The following BMP4 variants were observed in gnomAD, a reference collection of about 807,000 sequenced individuals.
BMP4 encodes the protein bone morphogenetic protein 4, also known as bone morphogenetic protein 2B.
In BMP4, 3 loss-of-function variants were observed where a neutral mutation model predicts 29.6. The observed-to-expected ratio is 0.10, with a 90% CI of 0.05 to 0.26. The LOEUF (loss-of-function observed/expected upper bound fraction) is 0.26, where lower values mean the gene tolerates loss of function less well. Among genes scored for constraint, BMP4 ranks in the 10% least tolerant of loss-of-function variants. The pLI is 1.00. For synonymous variants in BMP4, 197 were observed against 213.2 expected (o/e 0.92, Z 0.66); for missense variants, 455 against 550.2 (o/e 0.83, Z 1.73).
rs1895666363 is a variant in BMP4, at chr14:53,955,208, G to C, written c.-133+1342C>G. Among the ~76,000 whole-genome samples, 1 of 152,218 alleles carries C rather than the reference G, an allele frequency of 6.6e-6. No homozygotes were observed. Among genetic ancestry groups the C allele is most frequent in the South Asian group, 2.1e-4 (1 of 4,836 alleles). On this transcript the variant is annotated intron_variant, in intron 1 of 3. Coordinates refer to ENST00000245451, the MANE Select transcript of BMP4 (RefSeq NM_001202.6). This position sits in a 1 kb window ranked among gnomAD's most constrained non-coding sequence, Gnocchi z 4.0. ...CCCTTTAAAAAGCCCGGCGAGGAGAGGTCCAGAAGTAGAGAAAGCAGACGG... is the reference window on the plus strand; with the variant it reads ...CCCTTTAAAAAGCCCGGCGAGGAGACGTCCAGAAGTAGAGAAAGCAGACGG...
rs558175890 is a variant in BMP4 at position 53,949,780 on chromosome 14, C to A, written c.*252G>T. ...CTCATTTTATTTTTTTCTTTTAATA[C>A]GTAGTTATAAATATATTTTGTCAAA... On this transcript the variant is annotated 3_prime_UTR_variant, in exon 4 of 4. Transcript: ENST00000245451. 5.2e-6 allele frequency: 2 copies of A among 387,918 alleles called. No individual in the cohort carries two copies. Among genetic ancestry groups the A allele is most frequent in the Non-Finnish European group, 9.1e-6 (2 of 219,268 alleles). 24.0% of individuals were successfully genotyped at this position (387,918 alleles called of 1,614,324 possible). A position where few individuals can be genotyped will look rare whatever the true frequency, so the allele number is the denominator to read the frequency against.
In BMP4 at chr14:53,951,952, A is replaced by G; in HGVS notation, c.271T>C (p.Ser91Pro). The change falls in exon 3 of 4, where the codon TCT (serine) becomes CCT (proline). Residue 91 changes from serine to proline, a missense_variant. This residue lies in a region of BMP4 where 249 missense variants were observed against 284.6 expected (regional missense o/e 0.87). Coordinates refer to ENST00000245451, the MANE Select transcript of BMP4 (RefSeq NM_001202.6). Reference protein sequence around the residue: ...DYMRDLYRLQSGEEEEEQIHS... With the variant: ...DYMRDLYRLQPGEEEEEQIHS... ...ATCTGCTCTTCCTCCTCCTCCCCAG[A>G]CTGAAGCCGGTAAAGATCCCGCATG... The G allele has an allele frequency of 6.2e-7, 1 of 1,609,940 alleles. No homozygotes were observed. The highest frequency in any genetic ancestry group is 8.5e-7 in the Non-Finnish European group (1 of 1,179,980).
Position 53,949,922 on chromosome 14 carries a change from G to T in BMP4, c.*110C>A. On this transcript the variant is annotated 3_prime_UTR_variant, in exon 4 of 4. Coordinates refer to ENST00000245451, the MANE Select transcript of BMP4 (RefSeq NM_001202.6). ...TTTTTAAATAAAAGTCCAGCTATAA[G>T]GAAGCAGTCTGTGTAGTGTGTGGGT... 5.6e-6 allele frequency: 6 copies of T among 1,069,406 alleles called. No individual in the cohort carries two copies. The highest frequency in any genetic ancestry group is 6.6e-6 in the Non-Finnish European group (5 of 754,628). 66.2% of individuals were successfully genotyped at this position (1,069,406 alleles called of 1,614,324 possible).
chr14:53,953,601 G>A (rs1895569614), intron 1 of BMP4: 1 of 351,200 alleles, frequency 2.8e-6, no homozygotes, highest in Admixed American at 4.8e-5. Context: ...CCCGCCGCCC[G>A]AGCCTCAGCG....
At position 53,952,139 on chromosome 14, in the gene BMP4, A is replaced by C; in HGVS notation, c.84T>G (p.Pro28=). The change falls in exon 3 of 4, where the codon CCT becomes CCG. Residue 28 remains proline, a synonymous_variant. Coordinates refer to ENST00000245451, the MANE Select transcript of BMP4 (RefSeq NM_001202.6). ...LGGASHASLI[P]ETGKKKVAEI... The stretch of plus-strand genomic sequence containing the variant: ...CGGCGACTTTTTTCTTCCCCGTCTC[A>C]GGTATCAAACTAGCATGGCTCGCGC... The C allele has an allele frequency of 1.2e-6, 2 of 1,613,934 alleles. No individual in the cohort carries two copies. Among genetic ancestry groups the C allele is most frequent in the Non-Finnish European group, 8.5e-7 (1 of 1,179,812 alleles).
In BMP4 at chr14:53,952,042, G is replaced by A; in HGVS notation, c.181C>T (p.Leu61Phe). 1 of 1,614,190 alleles carries A rather than the reference G, an allele frequency of 6.2e-7. No homozygotes were observed. Among genetic ancestry groups the A allele is most frequent in the Non-Finnish European group, 8.5e-7 (1 of 1,180,050 alleles). Residue 61 changes from leucine to phenylalanine, a missense_variant, in exon 3 of 4, where the codon CTT (leucine) becomes TTT (phenylalanine). By Grantham distance (22) the Leu-to-Phe change is conservative. Around this residue, in one of 4 missense-constraint regions of BMP4, gnomAD observed 249 missense variants for 284.6 expected, o/e 0.87. Coordinates refer to ENST00000245451, the MANE Select transcript of BMP4 (RefSeq NM_001202.6). ...CGGCGCAGCCCAAACATCTGCAGAA[G>A]TGTCGCCTCGAAGTCCCGCAGGAGC... is the stretch of plus-strand genomic sequence containing the variant. ...HELLRDFEAT[L>F]LQMFGLRRRP...
rs772200836 is a variant in BMP4, at chr14:53,950,347, C to T, written c.912G>A (p.Lys304=). Residue 304 remains lysine (K), a synonymous_variant, in exon 4 of 4, where the codon AAG becomes AAA. Transcript: ENST00000245451. This position sits in a 1 kb window ranked among gnomAD's most constrained non-coding sequence, Gnocchi z 5.4. ...PKHHSQRARK[K]NKNCRRHSLY... The stretch of plus-strand genomic sequence containing the variant: ...GCGAGTGGCGCCGGCAGTTCTTATT[C>T]TTCTTCCTGGCCCGCTGTGAGTGAT... 6.2e-7 allele frequency: 1 copy of T among 1,614,156 alleles called. No homozygotes were observed.
At position 53,951,962 on chromosome 14, in the gene BMP4, G is replaced by A; in HGVS notation, c.261C>T (p.Tyr87=). The change falls in exon 3 of 4, where the codon TAC becomes TAT. Residue 87 remains tyrosine (Y), a synonymous_variant. Transcript: ENST00000245451. ...CCTCCTCCTCCCCAGACTGAAGCCGGTAAAGATCCCGCATGTAGTCCGGAA... is the reference window on the plus strand; with the variant it reads ...CCTCCTCCTCCCCAGACTGAAGCCGATAAAGATCCCGCATGTAGTCCGGAA... ...AVIPDYMRDL[Y]RLQSGEEEEE... The A allele has an allele frequency of 6.2e-7, 1 of 1,611,532 alleles. No homozygotes were observed. Among genetic ancestry groups the A allele is most frequent in the East Asian group, 2.2e-5 (1 of 44,864 alleles).
Position 53,950,436 on chromosome 14 carries a change from A to C in BMP4, c.823T>G (p.Phe275Val). 1 of 1,613,952 alleles carries C rather than the reference A, an allele frequency of 6.2e-7. No homozygotes were observed. The highest frequency in any genetic ancestry group is 8.5e-7 in the Non-Finnish European group (1 of 1,180,024). Residue 275 changes from phenylalanine (F) to valine (V), a missense_variant, in exon 4 of 4, where the codon TTT (phenylalanine) becomes GTT (valine). Coordinates refer to ENST00000245451, the MANE Select transcript of BMP4 (RefSeq NM_001202.6). The surrounding 1 kb of genome is among the most constrained non-coding windows in gnomAD (Gnocchi z 5.4). The stretch of plus-strand genomic sequence containing the variant: ...GCATGGCCCCGGCCATCATGGCCAA[A>C]GGTGACCAGGAGGGGCCGGAGCTGG... ...WAQLRPLLVTFGHDGRGHALT... is the reference protein window; with the variant it reads ...WAQLRPLLVTVGHDGRGHALT...
chr14:53,953,930 C>CA (rs1895593572), intron 1 of BMP4, among the ~76,000 whole-genome samples: 1 of 71,330 alleles, frequency 1.4e-5, no homozygotes, highest in Non-Finnish European at 4.2e-5. Context: ...TACACACACA[C>CA]CCCCCCACAC....
At chr14:53,951,254 A>C (rs566679305) in intron 3 of BMP4, among the ~76,000 whole-genome samples, 63 of 152,284 alleles carry the variant, frequency 4.1e-4, no homozygotes, top group African/African-American at 1.4e-3. Context: ...GTTGTAAAGA[A>C]AAAGAGGGGC....
intron 2 of BMP4, 25 bp downstream of exon 2, chr14:53,953,251 G>C (rs192269049): frequency 5.0e-6 from 2 of 397,612 alleles, no homozygotes; most frequent in Non-Finnish European, 4.4e-6. Context: ...TTCCGGGGAG[G>C]GGGAAGGAAG....
intron 3 of BMP4, chr14:53,951,541 A>T: frequency 2.8e-6 from 1 of 351,764 alleles, no homozygotes; most frequent in Admixed American, 4.4e-5. Flanking sequence ...TGTAATATTA[A>T]ATTCAGTAGG....
chr14:53,951,202 C>T (rs889079076), intron 3 of BMP4, among the ~76,000 whole-genome samples: 1 of 152,128 alleles, frequency 6.6e-6, no homozygotes, highest in Non-Finnish European at 1.5e-5. Flanking sequence ...CTCTTTTAAA[C>T]CCCCCACCTT....
In BMP4 at chr14:53,956,707, A is replaced by C. The variant is rs1202433276; in HGVS notation, c.-290T>G. ...GGAGACAAGCTAGATACTCAGCCGG[A>C]GCAGCAGCGGCGTCTCAGGCTCGCG... On this transcript the variant is annotated 5_prime_UTR_variant, in exon 1 of 4. Transcript: ENST00000245451. 2.5e-6 allele frequency: 1 copy of C among 399,040 alleles called. No homozygotes were observed. The highest frequency in any genetic ancestry group is 2.1e-5 in the African/African-American group (1 of 48,610). 24.7% of individuals were successfully genotyped at this position (399,040 alleles called of 1,614,324 possible).
chr14:53,951,970 C>A lies in BMP4; in HGVS notation c.253G>T (p.Asp85Tyr). 1 of 1,612,352 alleles carries A rather than the reference C, an allele frequency of 6.2e-7. No homozygotes were observed. Among genetic ancestry groups the A allele is most frequent in the Non-Finnish European group, 8.5e-7 (1 of 1,180,038 alleles). ...TCCCCAGACTGAAGCCGGTAAAGAT[C>A]CCGCATGTAGTCCGGAATGACGGCA... ...KSAVIPDYMR[D>Y]LYRLQSGEEE... is the part of the protein sequence containing the mutation. The change falls in exon 3 of 4, where the codon GAT (aspartate) becomes TAT (tyrosine). Residue 85 changes from aspartate to tyrosine, a missense_variant. Physicochemically the swap from Asp to Tyr is radical, Grantham distance 160. This residue lies in a region of BMP4 where 249 missense variants were observed against 284.6 expected (regional missense o/e 0.87). Coordinates refer to ENST00000245451, the MANE Select transcript of BMP4 (RefSeq NM_001202.6).
chr14:53,952,347 G>A, intron 2 of BMP4, 118 bp from the exon 3 acceptor site: 1 of 1,277,560 alleles, frequency 7.8e-7, no homozygotes, highest in Non-Finnish European at 1.1e-6. Flanking sequence ...AAGATGGAAA[G>A]CAGGTCAGAA....
In BMP4 at chr14:53,951,982, C is replaced by A; in HGVS notation, c.241G>T (p.Asp81Tyr). ...PQPSKSAVIP[D>Y]YMRDLYRLQS... Reference sequence around the variant, plus strand: ...AGCCGGTAAAGATCCCGCATGTAGTCCGGAATGACGGCACTCTTGCTAGGC... The same window carrying A: ...AGCCGGTAAAGATCCCGCATGTAGTACGGAATGACGGCACTCTTGCTAGGC... Residue 81 changes from aspartate (D) to tyrosine (Y), a missense_variant, in exon 3 of 4, where the codon GAC becomes TAC. Coordinates refer to ENST00000245451, the MANE Select transcript of BMP4 (RefSeq NM_001202.6). 6.2e-7 allele frequency: 1 copy of A among 1,613,198 alleles called. No homozygotes were observed. The highest frequency in any genetic ancestry group is 8.5e-7 in the Non-Finnish European group (1 of 1,180,040).
At chr14:53,952,480 C>T (rs947102816) in intron 2 of BMP4, among the ~76,000 whole-genome samples, 1 of 151,936 alleles carries the variant, frequency 6.6e-6, no homozygotes, top group African/African-American at 2.4e-5. Flanking sequence ...TCAAATAACC[C>T]CAAATCAGAT....
Sources: gnomAD v4.1 joint callset for allele counts (sites outside exome capture counted in the v4.1 genomes callset) on GRCh38, gnomAD v4.1.1 for gene constraint, gnomAD v4.1.1 regional missense constraint, Gnocchi (gnomAD v3.1) non-coding constraint, MANE v1.5 for transcripts, NCBI Gene and HGNC (gene_info 2026-07-23, HGNC 2026-07-21) for gene names.